Variants in ENTREP2 observed in about 807,000 individuals in gnomAD.
ENTREP2 encodes protein ENTREP2.
the ENTREP2 span, among the ~76,000 whole-genome samples, chr15:29,244,478 G>A: frequency 2.9e-4 from 44 of 152,162 alleles, no homozygotes; most frequent in African/African-American, 1.0e-3. Context: ...ACGCATGTGC[G>A]CCAGGAAAAA....
At chr15:29,166,434 C>A in the ENTREP2 span, among the ~76,000 whole-genome samples, 1 of 152,124 alleles carries the variant, frequency 6.6e-6, no homozygotes, top group Non-Finnish European at 1.5e-5. Flanking sequence ...GAAGACTCCT[C>A]CAGAAAGCTT....
chr15:29,296,095 C>A, the ENTREP2 span, among the ~76,000 whole-genome samples: 5 of 152,164 alleles, frequency 3.3e-5, no homozygotes, highest in Non-Finnish European at 7.3e-5. Flanking sequence ...GTAACTCTTC[C>A]CTGGGTCTCC....
the ENTREP2 span, among the ~76,000 whole-genome samples, chr15:29,604,664 G>A: frequency 1.3e-4 from 20 of 152,232 alleles, 1 homozygote; most frequent in South Asian, 3.9e-3. Flanking sequence ...AATTCAACGT[G>A]GAACTTAACC....
At chr15:29,432,040 C>T in the ENTREP2 span, among the ~76,000 whole-genome samples, 1 of 152,116 alleles carries the variant, frequency 6.6e-6, no homozygotes, top group Non-Finnish European at 1.5e-5. Flanking sequence ...AAATGGCTCT[C>T]GGGCTGTAAT....
chr15:29,197,094 T>C, the ENTREP2 span, among the ~76,000 whole-genome samples: 2 of 152,188 alleles, frequency 1.3e-5, no homozygotes, highest in Non-Finnish European at 2.9e-5. Flanking sequence ...CACCACAGTA[T>C]TGACAATGGC....
At chr15:29,248,213 C>T in the ENTREP2 span, among the ~76,000 whole-genome samples, 77,267 of 151,806 alleles carry the variant, frequency 0.51, 21,043 homozygotes, top group South Asian at 0.62. Context: ...ATCGAGTAGA[C>T]TGTAAAATAC....
chr15:29,619,259 G>A, the ENTREP2 span, among the ~76,000 whole-genome samples: 7 of 152,248 alleles, frequency 4.6e-5, no homozygotes, highest in South Asian at 4.2e-4. Context: ...AGGTGTGGTC[G>A]CTGGCGCCTG....
the ENTREP2 span, among the ~76,000 whole-genome samples, chr15:29,191,758 T>C: frequency 6.6e-6 from 1 of 151,866 alleles, no homozygotes. Flanking sequence ...CTACAAACAA[T>C]AAAAAATTAG....
chr15:29,446,501 C>G, the ENTREP2 span, among the ~76,000 whole-genome samples: 1 of 152,168 alleles, frequency 6.6e-6, no homozygotes, highest in Non-Finnish European at 1.5e-5. Context: ...ACAATACGCA[C>G]AGAGCAAAGC....
chr15:29,613,659 G>A, the ENTREP2 span: 11 of 176,646 alleles, frequency 6.2e-5, no homozygotes, highest in South Asian at 1.2e-4. Context: ...ATTCGCTTCC[G>A]CACCCTCGAG....
chr15:29,328,494 C>T, the ENTREP2 span, among the ~76,000 whole-genome samples: 2 of 152,196 alleles, frequency 1.3e-5, no homozygotes, highest in Admixed American at 1.3e-4. Flanking sequence ...AAACAATCTA[C>T]GAAACAACCT....
the ENTREP2 span, among the ~76,000 whole-genome samples, chr15:29,281,657 G>A: frequency 1.7e-4 from 26 of 152,282 alleles, no homozygotes; most frequent in South Asian, 1.7e-3. Flanking sequence ...CTAACCCTGC[G>A]GCAACCCCGC....
the ENTREP2 span, among the ~76,000 whole-genome samples, chr15:29,310,011 T>C: frequency 6.6e-6 from 1 of 152,072 alleles, no homozygotes. Context: ...TGACGTGGAC[T>C]GAAGGTCCCT....
chr15:29,400,746 TA>T, the ENTREP2 span, among the ~76,000 whole-genome samples: 1 of 152,212 alleles, frequency 6.6e-6, no homozygotes, highest in Non-Finnish European at 1.5e-5. Context: ...CGTTTATGGC[TA>T]AAAAAACCCA....
At chr15:29,126,725 C>T in the ENTREP2 span, among the ~76,000 whole-genome samples, 2 of 152,212 alleles carry the variant, frequency 1.3e-5, no homozygotes, top group Admixed American at 6.5e-5. Context: ...CTTCACACTA[C>T]ACAAGAGACT....
the ENTREP2 span, chr15:29,136,345 G>T: frequency 6.8e-7 from 1 of 1,480,458 alleles, no homozygotes; most frequent in South Asian, 1.3e-5. Context: ...AACTGGCTTT[G>T]TCTGGGGCCC....
At chr15:29,246,922 G>A in the ENTREP2 span, among the ~76,000 whole-genome samples, 34 of 148,308 alleles carry the variant, frequency 2.3e-4, no homozygotes, top group Non-Finnish European at 1.5e-5. Flanking sequence ...TAGCCCACGT[G>A]TGTAAAAAAA....
At chr15:29,142,665 C>G in the ENTREP2 span, among the ~76,000 whole-genome samples, 1 of 152,210 alleles carries the variant, frequency 6.6e-6, no homozygotes, top group African/African-American at 2.4e-5. Flanking sequence ...AGTGCCCCCT[C>G]TGCACTGTCT....
At chr15:29,406,818 C>T in the ENTREP2 span, among the ~76,000 whole-genome samples, 1 of 152,122 alleles carries the variant, frequency 6.6e-6, no homozygotes, top group East Asian at 1.9e-4. Context: ...AATGCACACA[C>T]TCGCTCTCCC....
Sources: allele counts gnomAD v4.1 joint callset (sites outside exome capture counted in the v4.1 genomes callset), GRCh38; gene constraint gnomAD v4.1.1; transcripts MANE v1.5; gene names NCBI Gene and HGNC (gene_info 2026-07-23, HGNC 2026-07-21).